ZNF398: variants seen among roughly 807,000 people sequenced by gnomAD.
ZNF398 encodes the protein zinc finger protein 398.
Under a neutral mutation model 41.9 loss-of-function variants are expected in ZNF398, and 18 were observed. The observed-to-expected ratio is 0.43, with a 90% confidence interval of 0.30 to 0.64. ZNF398 has a LOEUF of 0.64. ZNF398 is among the 30% of genes least tolerant of loss of function. The pLI, the probability that ZNF398 is intolerant of heterozygous loss-of-function variation, is 0.14. For missense variants in ZNF398, 669 were observed against 822.8 expected, an observed-to-expected ratio of 0.81 and a Z score of 2.29; for synonymous variants, 260 against 308.8, an observed-to-expected ratio of 0.84 and a Z score of 1.66.
At chr7:149,137,443 G>A (rs1281588899) in intron 2 of ZNF398, among the ~76,000 whole-genome samples, 3 of 151,850 alleles carry the variant, frequency 2.0e-5, no homozygotes, top group Non-Finnish European at 2.9e-5. Flanking sequence ...GTGCAGTGGC[G>A]TGATCTCGGC....
chr7:149,176,555 G>C lies in ZNF398; in HGVS notation c.749G>C (p.Ser250Thr). The change falls in exon 5 of 6, where the codon AGT becomes ACT. Residue 250 changes from serine to threonine, a missense_variant. Ser to Thr is a moderately conservative substitution (Grantham distance 58). Coordinates refer to ENST00000475153, the MANE Select transcript of ZNF398 (RefSeq NM_170686.3). ...QVGAPPESKE[S>T]DVYKSTYADE... Reference sequence around the variant, plus strand: ...GGGGCCCCACCGGAGTCCAAGGAGAGTGACGTGTACAAAAGCACTTATGCT... The same window carrying C: ...GGGGCCCCACCGGAGTCCAAGGAGACTGACGTGTACAAAAGCACTTATGCT... 6.2e-7 allele frequency: 1 copy of C among 1,611,198 alleles called. No homozygotes were observed. The highest frequency in any genetic ancestry group is 8.5e-7 in the Non-Finnish European group (1 of 1,179,116).
rs777710620 is a variant in ZNF398, at chr7:149,179,176, G to T, written c.1304G>T (p.Arg435Leu). ...TTCCCCTGTCCTGATTGCCCCAAGC[G>T]CTTTGCTGACCAGGCTCGACTCACC... is the stretch of plus-strand genomic sequence containing the variant. ...RPFPCPDCPK[R>L]FADQARLTSH... Residue 435 changes from arginine to leucine, a missense_variant, in exon 6 of 6, where the codon CGC becomes CTC. Around this residue, in one of 3 missense-constraint regions of ZNF398, gnomAD observed 210 missense variants for 290.4 expected, o/e 0.72. Coordinates refer to ENST00000475153, the MANE Select transcript of ZNF398 (RefSeq NM_170686.3). The surrounding 1 kb of genome is among the most constrained non-coding windows in gnomAD (Gnocchi z 6.1). The T allele has an allele frequency of 6.2e-7, 1 of 1,613,584 alleles. No individual in the cohort carries two copies. Among genetic ancestry groups the T allele is most frequent in the Non-Finnish European group, 8.5e-7 (1 of 1,180,006 alleles).
At chr7:149,161,670 C>T (rs562169678) in intron 2 of ZNF398, among the ~76,000 whole-genome samples, 17 of 152,046 alleles carry the variant, frequency 1.1e-4, no homozygotes, top group African/African-American at 2.9e-4. Context: ...TACATAAAGT[C>T]GCAAAAAGTA....
chr7:149,131,028 A>T (rs551766589), intron 2 of ZNF398, among the ~76,000 whole-genome samples: 6 of 152,302 alleles, frequency 3.9e-5, no homozygotes, highest in African/African-American at 1.4e-4. Flanking sequence ...GTGAGTTTCA[A>T]CTGGTTAATA....
chr7:149,137,185 C>T (rs114428232), intron 2 of ZNF398, among the ~76,000 whole-genome samples: 115 of 152,016 alleles, frequency 7.6e-4, no homozygotes, highest in African/African-American at 2.5e-3. Context: ...TGCTCTTACA[C>T]CTCTGTAAAA....
chr7:149,148,548 C>G (rs902184747), intron 1 of ZNF398: 5 of 928,102 alleles, frequency 5.4e-6, no homozygotes, highest in Non-Finnish European at 6.4e-6. Context: ...TGAGGGGTGA[C>G]TGGGAAAAGG....
chr7:149,142,443 G>A lies in ZNF398; in HGVS notation c.-489-11502G>A, dbSNP rs111631382. Reference sequence around the variant, plus strand: ...AGCACTTTGGGAGGCCGAGGCGGGCGGATCACGAGGTCAGGAGATCGAGAC... The same window carrying A: ...AGCACTTTGGGAGGCCGAGGCGGGCAGATCACGAGGTCAGGAGATCGAGAC... On this transcript the variant is annotated intron_variant, in intron 2 of 6. Transcript: ENST00000426851. 1.0e-3 allele frequency among the ~76,000 whole-genome samples: 153 copies of A among 152,204 alleles called. 1 individual carries two copies. Among genetic ancestry groups the A allele is most frequent in the African/African-American group, 3.1e-3 (130 of 41,556 alleles).
rs576740727 is a variant in ZNF398 at position 149,169,096 on chromosome 7, A to G, written c.661+2166A>G. On this transcript the variant is annotated intron_variant, in intron 4 of 5. Transcript: ENST00000475153. ...ATCATTGTATTTTATGGGATGGGTG[A>G]AAAAGATAACAAGTAATTAGGTTTT... Among the ~76,000 whole-genome samples, 4 of 152,348 alleles carry G rather than the reference A, an allele frequency of 2.6e-5. No individual in the cohort carries two copies. In the South Asian group the frequency reaches 8.3e-4, roughly 32 times the overall value.
intron 2 of ZNF398, among the ~76,000 whole-genome samples, chr7:149,131,260 T>G (rs540737383): frequency 1.3e-5 from 2 of 152,346 alleles, no homozygotes; most frequent in South Asian, 4.1e-4. Flanking sequence ...AAAATTCTTA[T>G]TACGTGCTAA....
chr7:149,180,276 A>G lies in ZNF398; in HGVS notation c.*475A>G, dbSNP rs1374941320. 6.5e-6 allele frequency: 1 copy of G among 154,078 alleles called. No individual in the cohort carries two copies. The highest frequency in any genetic ancestry group is 6.4e-5 in the Admixed American group (1 of 15,566). 9.5% of individuals were successfully genotyped at this position (154,078 alleles called of 1,614,324 possible). On this transcript the variant is annotated 3_prime_UTR_variant, in exon 6 of 6. Coordinates refer to ENST00000475153, the MANE Select transcript of ZNF398 (RefSeq NM_170686.3). ...GATAGCTAAGATGGTTGTTGGAGAA[A>G]GTGCTTAAGCCACTGTTTATGTTGC...
rs3735309 is a variant in ZNF398 at position 149,147,694 on chromosome 7, G to A, written c.-49G>A. ...GCTTGGAGCCGGGCGCGGTGGCAGC[G>A]GCGGCAGCGGCGGCGACTTCCGAGG... On this transcript the variant is annotated 5_prime_UTR_variant, in exon 1 of 6. Coordinates refer to ENST00000475153, the MANE Select transcript of ZNF398 (RefSeq NM_170686.3). The surrounding 1 kb of genome is among the most constrained non-coding windows in gnomAD (Gnocchi z 5.6). 1.2e-4 allele frequency: 158 copies of A among 1,278,582 alleles called. No individual in the cohort carries two copies. The East Asian group carries it at 4.0e-3, about 32-fold the overall frequency. 79.2% of individuals were successfully genotyped at this position (1,278,582 alleles called of 1,614,324 possible).
chr7:149,171,575 T>C (rs1795344153), intron 4 of ZNF398, among the ~76,000 whole-genome samples: 1 of 152,080 alleles, frequency 6.6e-6, no homozygotes, highest in Non-Finnish European at 1.5e-5. Flanking sequence ...TTTCACCATG[T>C]TGGCCAGGCT....
At chr7:149,151,724 T>C (rs189470373) in intron 1 of ZNF398, among the ~76,000 whole-genome samples, 120 of 151,624 alleles carry the variant, frequency 7.9e-4, no homozygotes, top group African/African-American at 2.4e-3. Context: ...CATCCTGAGG[T>C]GGCTGGTTTG....
At chr7:149,130,123 TCTCA>T (rs1826569037) in intron 2 of ZNF398, among the ~76,000 whole-genome samples, 1 of 151,832 alleles carries the variant, frequency 6.6e-6, no homozygotes. Flanking sequence ...TGAGATGGAG[TCTCA>T]CTCTGTTGCC....
chr7:149,155,724 T>A (rs796776542), intron 2 of ZNF398, among the ~76,000 whole-genome samples: 3,950 of 83,242 alleles, frequency 0.047, 97 homozygotes, highest in East Asian at 0.11. Context: ...TTTTTTTTTT[T>A]TTTTTAATTT....
intron 2 of ZNF398, among the ~76,000 whole-genome samples, chr7:149,157,694 T>G (rs10275785): frequency 0.01 from 1,472 of 146,846 alleles, 28 homozygotes; most frequent in African/African-American, 0.035. Flanking sequence ...AAAAATTAGC[T>G]GGGCGTGGTG....
At position 149,179,069 on chromosome 7, in the gene ZNF398, C is replaced by G. The variant is rs1795533334; in HGVS notation, c.1197C>G (p.Thr399=). The G allele has an allele frequency of 6.2e-7, 1 of 1,614,106 alleles. No homozygotes were observed. Among genetic ancestry groups the G allele is most frequent in the African/African-American group, 1.3e-5 (1 of 75,008 alleles). The change falls in exon 6 of 6, where the codon ACC becomes ACG. Residue 399 remains threonine, a synonymous_variant. Coordinates refer to ENST00000475153, the MANE Select transcript of ZNF398 (RefSeq NM_170686.3). This position sits in a 1 kb window ranked among gnomAD's most constrained non-coding sequence, Gnocchi z 6.1. ...ACCATGCCAGCGAGACACCCCCCAC[C>G]TGCCCACACTGTGCCAGGACTTTTA... ...SQDHASETPP[T]CPHCARTFTH... is the part of the protein sequence containing the mutation.
At chr7:149,162,642 T>G (rs1795134812) in intron 2 of ZNF398, among the ~76,000 whole-genome samples, 1 of 152,234 alleles carries the variant, frequency 6.6e-6, no homozygotes, top group African/African-American at 2.4e-5. Flanking sequence ...AATTATAGAT[T>G]GCAAGACTGG....
In ZNF398 at chr7:149,179,677, G is replaced by A; in HGVS notation, c.1805G>A (p.Gly602Asp). The change falls in exon 6 of 6, where the codon GGT becomes GAT. Residue 602 changes from glycine to aspartate, a missense_variant. Gly to Asp is a moderately conservative substitution (Grantham distance 94, BLOSUM62 -1). Around this residue, in one of 3 missense-constraint regions of ZNF398, gnomAD observed 210 missense variants for 290.4 expected, o/e 0.72. Coordinates refer to ENST00000475153, the MANE Select transcript of ZNF398 (RefSeq NM_170686.3). The surrounding 1 kb of genome is among the most constrained non-coding windows in gnomAD (Gnocchi z 6.1). ...TGTGGGGGTGATAGTGACCCATCAGGTCAGCCACCCAACCCACCAGGTCCC... is the reference window on the plus strand; with the variant it reads ...TGTGGGGGTGATAGTGACCCATCAGATCAGCCACCCAACCCACCAGGTCCC... Reference protein sequence around the residue: ...GGCGGDSDPSGQPPNPPGPLI... With the variant: ...GGCGGDSDPSDQPPNPPGPLI... 6.2e-7 allele frequency: 1 copy of A among 1,614,226 alleles called. No homozygotes were observed. The highest frequency in any genetic ancestry group is 8.5e-7 in the Non-Finnish European group (1 of 1,180,046).
Sources: gnomAD v4.1 joint callset for allele counts (sites outside exome capture counted in the v4.1 genomes callset) on GRCh38, gnomAD v4.1.1 for gene constraint, gnomAD v4.1.1 regional missense constraint, Gnocchi (gnomAD v3.1) non-coding constraint, MANE v1.5 for transcripts, NCBI Gene and HGNC (gene_info 2026-07-23, HGNC 2026-07-21) for gene names.